Variants in KIAA2012 observed in about 807,000 individuals in gnomAD.
KIAA2012 encodes uncharacterized protein KIAA2012.
Under a neutral mutation model 150.6 loss-of-function variants are expected in KIAA2012, and 125 were observed. The ratio of observed to expected loss-of-function variants is 0.83; its 90% CI spans 0.72 to 0.96. The LOEUF (loss-of-function observed/expected upper bound fraction) is 0.96. Ranked by LOEUF, KIAA2012 falls within the 40% of genes least tolerant of loss-of-function variation. The pLI is 0.00. For missense variants in KIAA2012, 1,219 were observed against 1,354.9 expected (o/e 0.90, Z 1.57); for synonymous variants, 462 against 504.7 (o/e 0.92, Z 1.13).
At chr2:202,154,314 A>G (rs957079761) in intron 13 of KIAA2012, among the ~76,000 whole-genome samples, 2 of 152,250 alleles carry the variant, frequency 1.3e-5, no homozygotes, top group Admixed American at 1.3e-4. Flanking sequence ...GCTCTGCCAT[A>G]TAGCAGCTAA....
chr2:202,162,762 T>C (rs1020979769), intron 14 of KIAA2012, among the ~76,000 whole-genome samples: 8 of 151,340 alleles, frequency 5.3e-5, no homozygotes, highest in Non-Finnish European at 7.4e-5. Context: ...AAACCCCATC[T>C]CTACCAAAAA....
chr2:202,186,947 A>G lies in KIAA2012; in HGVS notation c.2225A>G (p.Asp742Gly), dbSNP rs1692239646. The change falls in exon 17 of 24, where the codon GAT (aspartate) becomes GGT (glycine). Residue 742 changes from aspartate to glycine, a missense_variant. Coordinates refer to ENST00000498697, the MANE Select transcript of KIAA2012 (RefSeq NM_001277372.4). ...TCTTTTCAAAGGGGCAGAGATTATG[A>G]TGTACACCACCTACACAGAGGACTT... Reference protein sequence around the residue: ...DIVQKVGRDYDVHHLHRGLLG... With the variant: ...DIVQKVGRDYGVHHLHRGLLG... 6.4e-7 allele frequency: 1 copy of G among 1,550,502 alleles called. No homozygotes were observed. The highest frequency in any genetic ancestry group is 2.0e-5 in the Admixed American group (1 of 50,994).
intron 15 of KIAA2012, among the ~76,000 whole-genome samples, chr2:202,174,741 C>G (rs1691957914): frequency 1.3e-5 from 2 of 152,138 alleles, no homozygotes. Flanking sequence ...ATTTTAGGCT[C>G]ATATCATTTT....
Position 202,167,315 on chromosome 2 carries a change from G to T in KIAA2012, c.2119+1959G>T, listed in dbSNP as rs145636097. ...AATGTGCATCAGAATCACCTGTAAG[G>T]CTTATTAAACTAAAGATTTCTAGGC... is the stretch of plus-strand genomic sequence containing the variant. On this transcript the variant is annotated intron_variant, in intron 15 of 23. Coordinates refer to ENST00000498697, the MANE Select transcript of KIAA2012 (RefSeq NM_001277372.4). 2.8e-3 allele frequency among the ~76,000 whole-genome samples: 427 copies of T among 152,270 alleles called. 2 individuals are homozygous for T. The highest frequency in any genetic ancestry group is 4.5e-3 in the Non-Finnish European group (303 of 68,028).
At chr2:202,183,325 G>A (rs1692158401) in intron 15 of KIAA2012, among the ~76,000 whole-genome samples, 1 of 151,840 alleles carries the variant, frequency 6.6e-6, no homozygotes. Flanking sequence ...CGAGACAGGT[G>A]GGGAGGATTG....
At chr2:202,193,613 G>A (rs1222662900) in intron 20 of KIAA2012, 110 bp downstream of exon 20, 1 of 1,074,124 alleles carries the variant, frequency 9.3e-7, no homozygotes, top group Non-Finnish European at 1.3e-6. Context: ...ATGCCCTGAA[G>A]TTAAAATAGC....
chr2:202,150,421 G>A (rs1157644053), intron 13 of KIAA2012, among the ~76,000 whole-genome samples: 2 of 151,112 alleles, frequency 1.3e-5, no homozygotes, highest in African/African-American at 4.9e-5. Flanking sequence ...TTGGTGTGGG[G>A]TTTTTTTGTT....
intron 11 of KIAA2012, chr2:202,113,692 G>A (rs1690442017): frequency 4.1e-6 from 2 of 487,408 alleles, no homozygotes; most frequent in Admixed American, 3.4e-5. Context: ...TGGCTTGGAA[G>A]AGGTCTAATG....
rs568776495 is a variant in KIAA2012, at chr2:202,124,930, C to T, written c.1763-284C>T. ...CTAAAAATCCAAAAAATTAGCCAGG[C>T]GTGGTGGCACATGCCCGTAATGCCA... On this transcript the variant is annotated intron_variant, in intron 11 of 23. Coordinates refer to ENST00000498697, the MANE Select transcript of KIAA2012 (RefSeq NM_001277372.4). 3.3e-5 allele frequency among the ~76,000 whole-genome samples: 5 copies of T among 152,254 alleles called. No individual in the cohort carries two copies. The East Asian group carries it at 5.8e-4, about 18-fold the overall frequency.
chr2:202,080,791 A>C (rs1689435158), intron 2 of KIAA2012, among the ~76,000 whole-genome samples: 1 of 152,174 alleles, frequency 6.6e-6, no homozygotes, highest in Admixed American at 6.5e-5. Flanking sequence ...TAACTCACTT[A>C]ATCCTCACAA....
chr2:202,091,084 T>C (rs1234478456), intron 3 of KIAA2012, among the ~76,000 whole-genome samples, 155 bp downstream of exon 3: 1 of 152,214 alleles, frequency 6.6e-6, no homozygotes, highest in Non-Finnish European at 1.5e-5. Context: ...CACAAGCCCC[T>C]TTCACGGCTC....
At chr2:202,085,992 A>AC (rs1175867030) in intron 2 of KIAA2012, among the ~76,000 whole-genome samples, 9 of 151,936 alleles carry the variant, frequency 5.9e-5, no homozygotes, top group African/African-American at 2.2e-4. Context: ...ACATGGTGAA[A>AC]CCCCATCTCT....
At chr2:202,163,660 T>C (rs1438924858) in intron 14 of KIAA2012, among the ~76,000 whole-genome samples, 1 of 152,146 alleles carries the variant, frequency 6.6e-6, no homozygotes, top group Non-Finnish European at 1.5e-5. Context: ...TTAAAATTCT[T>C]CCAAAAGAAG....
At chr2:202,090,743 G>A in intron 2 of KIAA2012, 27 bp from the exon 3 acceptor site, 2 of 1,535,360 alleles carry the variant, frequency 1.3e-6, no homozygotes, top group Non-Finnish European at 1.8e-6. Flanking sequence ...CAGCAGCTGT[G>A]CTGTTTCCTG....
At chr2:202,175,083 T>A (rs1691963590) in intron 15 of KIAA2012, among the ~76,000 whole-genome samples, 1 of 152,252 alleles carries the variant, frequency 6.6e-6, no homozygotes, top group Non-Finnish European at 1.5e-5. Flanking sequence ...ATTGAATTTA[T>A]AAGTTCCCTT....
chr2:202,204,966 T>C (rs1692615582), intron 23 of KIAA2012, 32 bp from the exon 24 acceptor site: 1 of 152,182 alleles, frequency 6.6e-6, no homozygotes, highest in African/African-American at 2.4e-5. Flanking sequence ...GAAATTACCA[T>C]TGCTGACTTT....
intron 13 of KIAA2012, among the ~76,000 whole-genome samples, chr2:202,147,269 TA>T (rs1419037460): frequency 6.6e-6 from 1 of 152,194 alleles, no homozygotes; most frequent in Non-Finnish European, 1.5e-5. Context: ...TTCTAACCAT[TA>T]GAGATTATTT....
intron 12 of KIAA2012, chr2:202,125,966 T>TTTTTTTTG (rs1690774943): frequency 3.4e-6 from 1 of 292,294 alleles, no homozygotes. Context: ...TTTTTTTTTT[T>TTTTTTTTG]TTTTTGAGAT....
At chr2:202,096,965 A>G (rs1689901125) in intron 4 of KIAA2012, among the ~76,000 whole-genome samples, 1 of 152,190 alleles carries the variant, frequency 6.6e-6, no homozygotes, top group African/African-American at 2.4e-5. Flanking sequence ...CCACAAGTAA[A>G]GAGCCAGGAG....
Sources: allele counts gnomAD v4.1 joint callset (sites outside exome capture counted in the v4.1 genomes callset), GRCh38; gene constraint gnomAD v4.1.1; transcripts MANE v1.5; gene names NCBI Gene and HGNC (gene_info 2026-07-23, HGNC 2026-07-21).